Variants in CSMD3 observed in about 807,000 individuals in gnomAD.
The protein encoded by CSMD3 is CUB and Sushi multiple domains 3, also known as CUB and sushi domain-containing protein 3.
Under a neutral mutation model 435.2 loss-of-function variants are expected in CSMD3, and 177 were observed. That is an observed-to-expected ratio of 0.41 (90% CI 0.36 to 0.46). CSMD3 has a LOEUF of 0.46. CSMD3 is among the 20% of genes least tolerant of loss of function. The pLI is 0.34. For synonymous variants in CSMD3, 1,656 were observed against 1,520.5 expected, an observed-to-expected ratio of 1.09 and a Z score of -2.07; for missense variants, 4,265 against 4,504.6, an observed-to-expected ratio of 0.95 and a Z score of 1.52.
chr8:112,510,245 G>A (rs2853246), intron 28 of CSMD3, among the ~76,000 whole-genome samples: 8,983 of 152,002 alleles, frequency 0.059, 343 homozygotes, highest in East Asian at 0.15. Flanking sequence ...ACATCTAATC[G>A]TACTATGTAT....
At chr8:113,069,967 C>T (rs749816701) in intron 5 of CSMD3, among the ~76,000 whole-genome samples, 2 of 152,068 alleles carry the variant, frequency 1.3e-5, no homozygotes, top group Non-Finnish European at 2.9e-5. Flanking sequence ...CTTTGTCTAA[C>T]TGAGAAACAC....
chr8:113,058,423 G>T (rs16884312), intron 5 of CSMD3, among the ~76,000 whole-genome samples: 1,698 of 151,710 alleles, frequency 0.011, 38 homozygotes, highest in African/African-American at 0.039. Context: ...AGTTTGCTGG[G>T]TTTTTTTAAT....
intron 22 of CSMD3, among the ~76,000 whole-genome samples, chr8:112,626,018 C>G (rs1834446760): frequency 6.6e-6 from 1 of 151,904 alleles, no homozygotes. Context: ...TGGCAACTGT[C>G]TTGGTATAAT....
At position 112,787,697 on chromosome 8, in the gene CSMD3, A is replaced by G. The variant is rs117591534; in HGVS notation, c.1972+12465T>C. Among the ~76,000 whole-genome samples the G allele has an allele frequency of 4.8e-4, 73 of 152,216 alleles. No individual in the cohort carries two copies. The East Asian group carries it at 0.014, about 28-fold the overall frequency. On this transcript the variant is annotated intron_variant, in intron 13 of 70. Coordinates refer to ENST00000297405, the MANE Select transcript of CSMD3 (RefSeq NM_198123.2). ...AAATAAGCCAGGCACAGAAAGACAA[A>G]CTTCACACATTCTCACTCATTTGTG...
At chr8:112,475,724 T>A (rs1337218818) in intron 31 of CSMD3, among the ~76,000 whole-genome samples, 2 of 152,140 alleles carry the variant, frequency 1.3e-5, no homozygotes, top group Non-Finnish European at 1.5e-5. Context: ...CTTCACAGAT[T>A]CTCCTAATAT....
At chr8:112,928,580 T>A (rs2082989551) in intron 9 of CSMD3, among the ~76,000 whole-genome samples, 1 of 151,442 alleles carries the variant, frequency 6.6e-6, no homozygotes, top group African/African-American at 2.4e-5. Flanking sequence ...GAATGATGAT[T>A]TCCAATTTCA....
chr8:112,406,588 T>C lies in CSMD3; in HGVS notation c.5745A>G (p.Ala1915=). 6.2e-7 allele frequency: 1 copy of C among 1,612,972 alleles called. No homozygotes were observed. ...AATTGGGCACTGTTTCACACCTAATTGCTATGGATCCATGGAGAATATATC... is the reference window on the plus strand; with the variant it reads ...AATTGGGCACTGTTTCACACCTAATCGCTATGGATCCATGGAGAATATATC... ...NPGYILHGSI[A]IRCETVPNSL... is the part of the protein sequence containing the mutation. The change falls in exon 35 of 71, where the codon GCA becomes GCG. Residue 1915 remains alanine, a synonymous_variant. Coordinates refer to ENST00000297405, the MANE Select transcript of CSMD3 (RefSeq NM_198123.2).
In CSMD3 at chr8:112,341,592, G is replaced by T. The variant is rs779585772; in HGVS notation, c.6537C>A (p.Gly2179=). 7.4e-6 allele frequency: 12 copies of T among 1,612,188 alleles called. No individual in the cohort carries two copies. The highest frequency in any genetic ancestry group is 1.1e-5 in the South Asian group (1 of 91,032). The change falls in exon 42 of 71, where the codon GGC becomes GGA. Residue 2179 remains glycine (G), a synonymous_variant. Coordinates refer to ENST00000297405, the MANE Select transcript of CSMD3 (RefSeq NM_198123.2). ...ATGGTATTTGAGGACCACTAAGCCG[G>T]CCAATAACAGTACTAGTTTCTGAGG... ...SGSSETSTVI[G]RLSGPQIPSS... is the part of the protein sequence containing the mutation.
Position 112,383,600 on chromosome 8 carries a change from C to T in CSMD3, c.5998G>A (p.Asp2000Asn). 1 of 1,605,474 alleles carries T rather than the reference C, an allele frequency of 6.2e-7. No homozygotes were observed. Among genetic ancestry groups the T allele is most frequent in the Non-Finnish European group, 8.5e-7 (1 of 1,172,294 alleles). The change falls in exon 37 of 71, where the codon GAC becomes AAC. Residue 2000 changes from aspartate to asparagine, a missense_variant. Physicochemically the swap from Asp to Asn is conservative, Grantham distance 23 (BLOSUM62 1). Coordinates refer to ENST00000297405, the MANE Select transcript of CSMD3 (RefSeq NM_198123.2). ...CTTCCAAGTCTTGGAGCATTGTTGTCTCCCCCATCATAAAAGTCCAGAGAA... is the reference window on the plus strand; with the variant it reads ...CTTCCAAGTCTTGGAGCATTGTTGTTTCCCCCATCATAAAAGTCCAGAGAA... ...WDSLDFYDGG[D>N]NNAPRLGSYS...
intron 27 of CSMD3, among the ~76,000 whole-genome samples, chr8:112,542,335 C>T (rs1048324591): frequency 2.0e-5 from 3 of 147,048 alleles, no homozygotes; most frequent in Non-Finnish European, 4.5e-5. Flanking sequence ...AAACAAAAGG[C>T]CTCCAAAATG....
In CSMD3 at chr8:112,409,040, A is replaced by G. The variant is rs771665145; in HGVS notation, c.5396-8T>C. 1 of 1,613,446 alleles carries G rather than the reference A, an allele frequency of 6.2e-7. No individual in the cohort carries two copies. The highest frequency in any genetic ancestry group is 2.2e-5 in the East Asian group (1 of 44,838). The stretch of plus-strand genomic sequence containing the variant: ...CAAACTGGCCAAACACCACTGATCA[A>G]CAGGAACCCGGAGAAGCAAACAAAT... On this transcript the variant is annotated splice_polypyrimidine_tract_variant and splice_region_variant and intron_variant, in intron 32 of 70. Coordinates refer to ENST00000297405, the MANE Select transcript of CSMD3 (RefSeq NM_198123.2).
intron 3 of CSMD3, among the ~76,000 whole-genome samples, chr8:113,256,404 T>G (rs1293235101): frequency 6.6e-6 from 1 of 152,164 alleles, no homozygotes; most frequent in African/African-American, 2.4e-5. Context: ...TTCCCCAGAT[T>G]AAGACCTAAT....
intron 19 of CSMD3, among the ~76,000 whole-genome samples, chr8:112,649,101 G>C (rs962683684): frequency 2.0e-5 from 3 of 152,152 alleles, no homozygotes; most frequent in Non-Finnish European, 2.9e-5. Flanking sequence ...TGTCTGCAGC[G>C]TAAGAGAATT....
At chr8:112,783,679 T>C (rs2078460466) in intron 13 of CSMD3, among the ~76,000 whole-genome samples, 1 of 152,004 alleles carries the variant, frequency 6.6e-6, no homozygotes, top group South Asian at 2.1e-4. Flanking sequence ...GTCCTAAATA[T>C]CTGCTGCCTA....
chr8:112,556,611 A>T, intron 25 of CSMD3, 152 bp downstream of exon 25: 1 of 622,024 alleles, frequency 1.6e-6, no homozygotes, highest in Non-Finnish European at 2.8e-6. Context: ...ATTTTCCATT[A>T]ATTTTCTTTT....
intron 1 of CSMD3, among the ~76,000 whole-genome samples, chr8:113,369,127 C>A (rs999535335): frequency 2.5e-4 from 38 of 152,030 alleles, no homozygotes; most frequent in Admixed American, 4.6e-4. Flanking sequence ...TATAGTAAAT[C>A]TCTATCAATT....
rs537131964 is a variant in CSMD3, at chr8:112,516,901, G to A, written c.4756+133C>T. Reference sequence around the variant, plus strand: ...CATTTTACAATTTTGTACATTCTGCGGAGGTTAATAATCCTCTGAAATCTT... The same window carrying A: ...CATTTTACAATTTTGTACATTCTGCAGAGGTTAATAATCCTCTGAAATCTT... On this transcript the variant is annotated intron_variant, in intron 28 of 70. Coordinates refer to ENST00000297405, the MANE Select transcript of CSMD3 (RefSeq NM_198123.2). 4.2e-5 allele frequency: 29 copies of A among 686,658 alleles called. 1 individual carries two copies. Among genetic ancestry groups the A allele is most frequent in the African/African-American group, 7.2e-5 (4 of 55,326 alleles). The allele number at this position is 686,658 out of a possible 1,614,324, so 42.5% of individuals were successfully genotyped here. A position where few individuals can be genotyped will look rare whatever the true frequency, so the allele number is the denominator to read the frequency against.
At chr8:112,359,208 G>T (rs1309856316) in intron 38 of CSMD3, among the ~76,000 whole-genome samples, 1 of 151,992 alleles carries the variant, frequency 6.6e-6, no homozygotes. Flanking sequence ...GTATACATAC[G>T]GATTTCATTT....
chr8:112,477,513 A>T (rs1166461401), intron 31 of CSMD3, among the ~76,000 whole-genome samples: 1 of 152,094 alleles, frequency 6.6e-6, no homozygotes, highest in Non-Finnish European at 1.5e-5. Context: ...TCTTTGGGTC[A>T]TGGGGACAGA....
Sources: allele counts gnomAD v4.1 joint callset (sites outside exome capture counted in the v4.1 genomes callset), GRCh38; gene constraint gnomAD v4.1.1; transcripts MANE v1.5; gene names NCBI Gene and HGNC (gene_info 2026-07-23, HGNC 2026-07-21).